The following MED12L variants were observed in gnomAD, a reference collection of about 807,000 sequenced individuals.
The protein encoded by MED12L is mediator of RNA polymerase II transcription subunit 12-like protein.
A neutral mutation model predicts 281.3 loss-of-function variants in MED12L; 60 were observed. That is an observed-to-expected ratio of 0.21 (90% CI 0.17 to 0.26). The LOEUF (loss-of-function observed/expected upper bound fraction) is 0.26, where lower values mean the gene tolerates loss of function less well. Ranked by LOEUF, MED12L falls within the 10% of genes least tolerant of loss-of-function variation. The probability of loss-of-function intolerance (pLI) is 1.00; values close to 1 mark genes in which losing one functional copy is unlikely to be tolerated. For synonymous variants in MED12L, 974 were observed against 987.2 expected (o/e 0.99, Z 0.25); for missense variants, 2,146 against 2,680.9 (o/e 0.80, Z 4.41).
intron 2 of MED12L, among the ~76,000 whole-genome samples, chr3:151,108,781 TGTGA>T (rs1359294522): frequency 4.6e-5 from 7 of 152,142 alleles, no homozygotes; most frequent in South Asian, 2.1e-4. Flanking sequence ...CTCAGGAGGT[TGTGA>T]GTGTCTGTAG....
Position 151,237,350 on chromosome 3 carries a change from C to CTTTT in MED12L, c.2250+43697_2250+43700dup, listed in dbSNP as rs57239604. On this transcript the variant is annotated intron_variant, in intron 16 of 44. Coordinates refer to ENST00000687756, the MANE Select transcript of MED12L (RefSeq NM_001393769.1). The stretch of plus-strand genomic sequence containing the variant: ...ACCACGCCTGGCTTTTTTTTTTTTT[C>CTTTT]TTTTTTTTTTTTTTTTGAGACAGAG... 7.3e-3 allele frequency among the ~76,000 whole-genome samples: 690 copies of CTTTT among 94,612 alleles called. 24 individuals carry two copies. The highest frequency in any genetic ancestry group is 0.012 in the Middle Eastern group (1 of 86). 62.1% of individuals were successfully genotyped at this position (94,612 alleles called of 152,430 possible). A position where few individuals can be genotyped will look rare whatever the true frequency, so the allele number is the denominator to read the frequency against.
At chr3:151,204,807 G>C (rs1221065684) in intron 16 of MED12L, among the ~76,000 whole-genome samples, 1 of 152,086 alleles carries the variant, frequency 6.6e-6, no homozygotes, top group Non-Finnish European at 1.5e-5. Flanking sequence ...TTTCTGTTTT[G>C]CTTTTTTTAG....
chr3:151,244,735 A>G (rs1734986063), intron 16 of MED12L, among the ~76,000 whole-genome samples: 1 of 151,988 alleles, frequency 6.6e-6, no homozygotes, highest in African/African-American at 2.4e-5. Flanking sequence ...AACACATTCA[A>G]AAGCTAGCAG....
chr3:151,381,477 C>G (rs1712328978), intron 32 of MED12L, among the ~76,000 whole-genome samples: 2 of 152,206 alleles, frequency 1.3e-5, no homozygotes, highest in South Asian at 4.1e-4. Context: ...ATGGTTGTTG[C>G]ACTGGCCATG....
rs1212621080 is a variant in MED12L, at chr3:151,192,533, T to C, written c.1969-17T>C. On this transcript the variant is annotated splice_polypyrimidine_tract_variant and intron_variant, in intron 14 of 44. Transcript: ENST00000687756. ...CCAAAACTTACAATGTTACTTTCTT[T>C]CTCTGGCGATTATCAGGAACAGAGT... 1.1e-5 allele frequency: 17 copies of C among 1,500,530 alleles called. 1 individual carries two copies. The South Asian group carries it at 1.7e-4, about 15-fold the overall frequency. The allele number at this position is 1,500,530 out of a possible 1,614,324, so 93.0% of individuals were successfully genotyped here.
chr3:151,181,213 A>C (rs1722655055), intron 11 of MED12L, among the ~76,000 whole-genome samples: 1 of 152,092 alleles, frequency 6.6e-6, no homozygotes, highest in African/African-American at 2.4e-5. Flanking sequence ...TGGTATTAAA[A>C]ATAATATATG....
At chr3:151,255,646 A>C (rs1737679816) in intron 16 of MED12L, among the ~76,000 whole-genome samples, 1 of 152,172 alleles carries the variant, frequency 6.6e-6, no homozygotes, top group Non-Finnish European at 1.5e-5. Flanking sequence ...CCTGAGATGA[A>C]ACCTTTGGCC....
intron 16 of MED12L, among the ~76,000 whole-genome samples, chr3:151,296,483 G>C (rs58334126): frequency 0.32 from 48,285 of 151,920 alleles, 7,936 homozygotes; most frequent in East Asian, 0.5. Flanking sequence ...TTTTGTAAGA[G>C]GAGGGGTTTC....
chr3:151,412,105 T>C (rs1717006336), intron 41 of MED12L, among the ~76,000 whole-genome samples: 1 of 152,204 alleles, frequency 6.6e-6, no homozygotes, highest in Non-Finnish European at 1.5e-5. Flanking sequence ...ATTTAGACTA[T>C]TTAAAATTAA....
intron 40 of MED12L, among the ~76,000 whole-genome samples, chr3:151,409,678 G>T (rs1203354967): frequency 6.6e-6 from 1 of 152,122 alleles, no homozygotes; most frequent in Non-Finnish European, 1.5e-5. Context: ...TCATATTTGG[G>T]CTGGACTCAG....
chr3:151,163,821 T>A, intron 8 of MED12L, 72 bp from the exon 9 acceptor site: 17 of 1,471,132 alleles, frequency 1.2e-5, no homozygotes, highest in Middle Eastern at 2.1e-4. Context: ...CAGGGTGTCG[T>A]TTTTACTGTT....
chr3:151,118,606 G>A (rs183664899), intron 3 of MED12L, among the ~76,000 whole-genome samples: 7 of 149,284 alleles, frequency 4.7e-5, no homozygotes, highest in African/African-American at 1.2e-4. Context: ...CATTTGCATC[G>A]TTGTTGCAAA....
intron 3 of MED12L, among the ~76,000 whole-genome samples, chr3:151,118,437 G>A (rs894678721): frequency 7.2e-5 from 11 of 152,014 alleles, no homozygotes; most frequent in African/African-American, 2.2e-4. Context: ...GACTAAACAC[G>A]TTTTTAGTTT....
chr3:151,369,306 C>T (rs540964390), intron 25 of MED12L, 130 bp from the exon 26 acceptor site: 1 of 537,918 alleles, frequency 1.9e-6, no homozygotes, highest in South Asian at 3.1e-5. Context: ...ATCCATGAAG[C>T]ATCAATTAAA....
chr3:151,292,947 A>G (rs1251889405), intron 16 of MED12L, among the ~76,000 whole-genome samples: 3 of 152,330 alleles, frequency 2.0e-5, no homozygotes, highest in Middle Eastern at 3.4e-3. Context: ...GGGGGCGGTG[A>G]TAGCTATGCA....
chr3:151,303,480 C>T (rs1047365962), intron 16 of MED12L, among the ~76,000 whole-genome samples: 4 of 152,186 alleles, frequency 2.6e-5, no homozygotes, highest in East Asian at 1.9e-4. Context: ...ACTGCACAGT[C>T]GGCCATGCAT....
intron 16 of MED12L, among the ~76,000 whole-genome samples, chr3:151,250,888 T>A (rs951206518): frequency 6.6e-6 from 1 of 152,222 alleles, no homozygotes; most frequent in African/African-American, 2.4e-5. Flanking sequence ...CCACCAACAG[T>A]GCACAAAGGT....
intron 2 of MED12L, among the ~76,000 whole-genome samples, chr3:151,105,926 G>A (rs1472151050): frequency 2.6e-5 from 4 of 152,146 alleles, no homozygotes; most frequent in Admixed American, 6.5e-5. Flanking sequence ...CATCCCAAAA[G>A]TCTAGGACAT....
At position 151,376,756 on chromosome 3, in the gene MED12L, A is replaced by C. The variant is rs1756906451; in HGVS notation, c.4054-44A>C. ...CTGTAAGAAATTACTGTATTTTAACACATTTGATACCCATAATGTTTTAAT... is the reference window on the plus strand; with the variant it reads ...CTGTAAGAAATTACTGTATTTTAACCCATTTGATACCCATAATGTTTTAAT... On this transcript the variant is annotated intron_variant, in intron 28 of 44. Transcript: ENST00000687756. 4 of 1,483,546 alleles carry C rather than the reference A, an allele frequency of 2.7e-6. No individual in the cohort carries two copies. In the East Asian group the frequency reaches 9.0e-5, roughly 34 times the overall value. 91.9% of individuals were successfully genotyped at this position (1,483,546 alleles called of 1,614,324 possible).
Sources: gnomAD v4.1 joint callset for allele counts (sites outside exome capture counted in the v4.1 genomes callset) on GRCh38, gnomAD v4.1.1 for gene constraint, MANE v1.5 for transcripts, NCBI Gene and HGNC (gene_info 2026-07-23, HGNC 2026-07-21) for gene names.